SUSD6: variants seen among roughly 807,000 people sequenced by gnomAD.
SUSD6 encodes sushi domain-containing protein 6.
Under a neutral mutation model 28.4 loss-of-function variants are expected in SUSD6, and 16 were observed. That is an observed-to-expected ratio of 0.56 (90% confidence interval 0.38 to 0.86). SUSD6 has a LOEUF of 0.86. SUSD6 is among the 40% of genes least tolerant of loss of function. SUSD6 has a pLI of 0.00. For synonymous variants in SUSD6, 147 were observed against 159.6 expected (o/e 0.92, Z 0.59); for missense variants, 341 against 384.2 (o/e 0.89, Z 0.94).
intron 2 of SUSD6, among the ~76,000 whole-genome samples, chr14:69,679,722 T>C (rs1885970789): frequency 6.6e-6 from 1 of 152,200 alleles, no homozygotes; most frequent in Non-Finnish European, 1.5e-5. Context: ...AGCAAAGAGT[T>C]TGAGAACCAC....
chr14:69,644,487 T>C (rs930736842), intron 1 of SUSD6, among the ~76,000 whole-genome samples: 1 of 152,044 alleles, frequency 6.6e-6, no homozygotes, highest in Non-Finnish European at 1.5e-5. Flanking sequence ...CTGTCTCTTC[T>C]AGAAATAGAA....
chr14:69,695,212 G>T (rs905745021), intron 2 of SUSD6, among the ~76,000 whole-genome samples: 4 of 152,214 alleles, frequency 2.6e-5, no homozygotes, highest in Admixed American at 2.6e-4. Context: ...GGATCGGGAA[G>T]CCAGAAGGCT....
chr14:69,709,056 A>G lies in SUSD6; in HGVS notation c.838A>G (p.Ser280Gly), dbSNP rs1343285938. ...CAAAGAAACTGCAGATTCAGAGAAC[A>G]GTGACATACAAAGCCTTTTATCCCT... ...AHKETADSEN[S>G]DIQSLLSLTS... is the part of the protein sequence containing the mutation. The change falls in exon 5 of 6, where the codon AGT becomes GGT. Residue 280 changes from serine (S) to glycine (G), a missense_variant. By Grantham distance (56) the Ser-to-Gly change is moderately conservative (BLOSUM62 0). Transcript: ENST00000342745. 6.2e-7 allele frequency: 1 copy of G among 1,613,126 alleles called. No individual in the cohort carries two copies. Among genetic ancestry groups the G allele is most frequent in the South Asian group, 1.1e-5 (1 of 90,968 alleles).
At chr14:69,704,378 A>G (rs1042147633) in intron 3 of SUSD6, among the ~76,000 whole-genome samples, 1 of 152,200 alleles carries the variant, frequency 6.6e-6, no homozygotes, top group African/African-American at 2.4e-5. Flanking sequence ...AAAGATTGGA[A>G]GTGAGGGGAA....
At chr14:69,683,209 G>A (rs1886024144) in intron 2 of SUSD6, among the ~76,000 whole-genome samples, 1 of 152,052 alleles carries the variant, frequency 6.6e-6, no homozygotes, top group South Asian at 2.1e-4. Flanking sequence ...AGGAGGAGAG[G>A]CTCCCTGGGA....
At chr14:69,707,513 T>C (rs962594304) in intron 4 of SUSD6, among the ~76,000 whole-genome samples, 1 of 152,156 alleles carries the variant, frequency 6.6e-6, no homozygotes, top group African/African-American at 2.4e-5. Context: ...TGTAATCCTT[T>C]GGGAGGAGGA....
chr14:69,620,126 C>T (rs2139590492), intron 1 of SUSD6, among the ~76,000 whole-genome samples: 1 of 152,336 alleles, frequency 6.6e-6, no homozygotes, highest in African/African-American at 2.4e-5. Flanking sequence ...ATCTGGTCTA[C>T]CCCTTTATCA....
intron 1 of SUSD6, among the ~76,000 whole-genome samples, chr14:69,649,238 T>C (rs1291314770): frequency 6.6e-6 from 1 of 152,220 alleles, no homozygotes; most frequent in Admixed American, 6.5e-5. Context: ...AAGCCTTGCA[T>C]AGAAGACAGC....
intron 1 of SUSD6, among the ~76,000 whole-genome samples, chr14:69,612,348 C>T (rs1884890675): frequency 6.6e-6 from 1 of 152,104 alleles, no homozygotes. Context: ...CATTCGGGAG[C>T]CCCCGCGCCT....
Position 69,658,576 on chromosome 14 carries a change from A to T in SUSD6, c.-17A>T, listed in dbSNP as rs964325263. ...TTTTAAATTTTTTCTTTTTAAAAAA[A>T]CTTGGACGGATAAAAGATGTGCCAT... On this transcript the variant is annotated 5_prime_UTR_variant, in exon 2 of 6. Coordinates refer to ENST00000342745, the MANE Select transcript of SUSD6 (RefSeq NM_014734.4). 6.2e-7 allele frequency: 1 copy of T among 1,613,542 alleles called. No individual in the cohort carries two copies. The highest frequency in any genetic ancestry group is 1.7e-5 in the Admixed American group (1 of 59,844).
intron 2 of SUSD6, among the ~76,000 whole-genome samples, chr14:69,673,790 C>A (rs181562289): frequency 3.3e-5 from 5 of 152,274 alleles, no homozygotes; most frequent in Admixed American, 3.3e-4. Context: ...GACCCTGAGC[C>A]GGGGTCCTGG....
intron 1 of SUSD6, among the ~76,000 whole-genome samples, chr14:69,637,281 C>A (rs1012101242): frequency 6.6e-6 from 1 of 152,154 alleles, no homozygotes; most frequent in African/African-American, 2.4e-5. Context: ...GCATTACACC[C>A]TGTGCTCAGT....
At chr14:69,689,106 T>C (rs1422309036) in intron 2 of SUSD6, among the ~76,000 whole-genome samples, 6 of 152,210 alleles carry the variant, frequency 3.9e-5, no homozygotes, top group African/African-American at 1.4e-4. Context: ...TCATAATCCT[T>C]TATCCCGTAC....
intron 1 of SUSD6, among the ~76,000 whole-genome samples, chr14:69,646,448 A>G (rs1885427209): frequency 6.6e-6 from 1 of 152,134 alleles, no homozygotes; most frequent in Non-Finnish European, 1.5e-5. Context: ...CCAGGGCTAC[A>G]TCACTCCAGG....
intron 1 of SUSD6, among the ~76,000 whole-genome samples, chr14:69,631,503 G>A (rs1288631938): frequency 1.3e-5 from 2 of 151,974 alleles, no homozygotes; most frequent in African/African-American, 2.4e-5. Flanking sequence ...TTTTTGTTTT[G>A]TTTTGTTTTG....
At chr14:69,675,923 A>T (rs534004977) in intron 2 of SUSD6, among the ~76,000 whole-genome samples, 3 of 151,104 alleles carry the variant, frequency 2.0e-5, no homozygotes, top group African/African-American at 7.3e-5. Flanking sequence ...TTTTTGTACT[A>T]TGTTGTTTTG....
At chr14:69,670,289 G>A (rs1406769410) in intron 2 of SUSD6, among the ~76,000 whole-genome samples, 2 of 152,162 alleles carry the variant, frequency 1.3e-5, no homozygotes, top group African/African-American at 4.8e-5. Flanking sequence ...GCAGAGTTAT[G>A]GTTTAGCACT....
At chr14:69,677,185 G>A (rs1885922412) in intron 2 of SUSD6, among the ~76,000 whole-genome samples, 1 of 152,226 alleles carries the variant, frequency 6.6e-6, no homozygotes, top group African/African-American at 2.4e-5. Context: ...TTTGAAGGCA[G>A]GTGGGGAAAC....
intron 1 of SUSD6, among the ~76,000 whole-genome samples, chr14:69,644,288 GTTTC>G (rs1409739592): frequency 6.6e-6 from 1 of 152,106 alleles, no homozygotes; most frequent in Non-Finnish European, 1.5e-5. Context: ...AATTTATGAT[GTTTC>G]TTCTTCATCT....
Sources: gnomAD v4.1 joint callset for allele counts (sites outside exome capture counted in the v4.1 genomes callset) on GRCh38, gnomAD v4.1.1 for gene constraint, MANE v1.5 for transcripts, NCBI Gene and HGNC (gene_info 2026-07-23, HGNC 2026-07-21) for gene names.